Variants in DCAF6 observed in about 807,000 individuals in gnomAD.
DCAF6 encodes DDB1- and CUL4-associated factor 6.
DCAF6 carries 54 observed loss-of-function variants against 125.1 expected under a neutral mutation model. That is an observed-to-expected ratio of 0.43 (90% CI 0.35 to 0.54). The LOEUF is 0.54. Ranked by LOEUF, DCAF6 falls within the 20% of genes least tolerant of loss-of-function variation. The pLI is 0.01. For synonymous variants in DCAF6, 371 were observed against 390.4 expected, an observed-to-expected ratio of 0.95 and a Z score of 0.58; for missense variants, 934 against 1,161.7, an observed-to-expected ratio of 0.80 and a Z score of 2.85.
chr1:167,875,409 T>C, the DCAF6 span, among the ~76,000 whole-genome samples: 1 of 108,684 alleles, frequency 9.2e-6, no homozygotes, highest in African/African-American at 4.3e-5. Context: ...CCATAGCATC[T>C]GGCACATTGT....
chr1:167,965,722 G>T (rs1465641895), intron 2 of DCAF6, among the ~76,000 whole-genome samples: 2 of 152,042 alleles, frequency 1.3e-5, no homozygotes, highest in Non-Finnish European at 2.9e-5. Flanking sequence ...CACCTCTTGG[G>T]TTCAAGCAGT....
chr1:167,925,443 A>ATATATATATC, the DCAF6 span, among the ~76,000 whole-genome samples: 9 of 39,354 alleles, frequency 2.3e-4, no homozygotes, highest in African/African-American at 6.1e-4. Context: ...ACATATACAC[A>ATATATATATC]TATATATATA....
intron 17 of DCAF6, among the ~76,000 whole-genome samples, chr1:168,055,137 G>A (rs1381585754): frequency 6.6e-6 from 1 of 151,970 alleles, no homozygotes; most frequent in Admixed American, 6.6e-5. Context: ...CCTGGGGAAT[G>A]CGTCTTTAAC....
chr1:168,009,331 TTTCCTTCCTTCCTCCCTTCC>T (rs1683849538), intron 10 of DCAF6, among the ~76,000 whole-genome samples: 1 of 147,352 alleles, frequency 6.8e-6, no homozygotes, highest in Non-Finnish European at 1.5e-5. Context: ...TCTCTTCTTC[TTTCCTTCCTTCCTCCCTTCC>T]TTCCTTCCTT....
chr1:167,900,504 A>T, the DCAF6 span, among the ~76,000 whole-genome samples: 12 of 150,590 alleles, frequency 8.0e-5, no homozygotes, highest in African/African-American at 2.4e-4. Context: ...AATAACTTTG[A>T]TTTTTTTTTC....
chr1:168,063,896 A>G, intron 18 of DCAF6, 137 bp downstream of exon 18: 5 of 795,162 alleles, frequency 6.3e-6, no homozygotes, highest in Non-Finnish European at 9.8e-6. Context: ...CTCTTTATCC[A>G]ACATGGTTCT....
At chr1:168,000,129 G>A (rs944446402) in intron 7 of DCAF6, among the ~76,000 whole-genome samples, 1 of 152,130 alleles carries the variant, frequency 6.6e-6, no homozygotes, top group Non-Finnish European at 1.5e-5. Flanking sequence ...AAATTGGAAG[G>A]CTCGAGAGGG....
chr1:168,005,847 A>G lies in DCAF6; in HGVS notation c.1378+1054A>G, dbSNP rs558107295. On this transcript the variant is annotated intron_variant, in intron 10 of 21. Transcript: ENST00000367840. ...TTACATAACTGTTAACACTGTATACATTTTATCCATAATAATAAGCTAAAG... is the reference window on the plus strand; with the variant it reads ...TTACATAACTGTTAACACTGTATACGTTTTATCCATAATAATAAGCTAAAG... 3.3e-5 allele frequency among the ~76,000 whole-genome samples: 5 copies of G among 152,286 alleles called. No individual in the cohort carries two copies. The South Asian group carries it at 1.0e-3, about 32-fold the overall frequency.
intron 16 of DCAF6, among the ~76,000 whole-genome samples, chr1:168,049,646 ATTTTTTTTTTTTTTTT>A (rs756012977): frequency 1.1e-5 from 1 of 90,300 alleles, no homozygotes; most frequent in East Asian, 2.9e-4. Context: ...TCTGCATATA[ATTTTTTTTTTTTTTTT>A]TTTTTTTTTT....
chr1:167,987,980 A>G (rs1680253940), intron 5 of DCAF6, among the ~76,000 whole-genome samples: 1 of 151,734 alleles, frequency 6.6e-6, no homozygotes, highest in Non-Finnish European at 1.5e-5. Context: ...AATAGCAGTT[A>G]TAAAAGCTTG....
intron 21 of DCAF6, among the ~76,000 whole-genome samples, chr1:168,072,450 C>T (rs1326580154): frequency 6.6e-6 from 1 of 151,778 alleles, no homozygotes; most frequent in Non-Finnish European, 1.5e-5. Flanking sequence ...CACTCTTAAG[C>T]TTTAATTTCT....
chr1:167,867,905 T>C, the DCAF6 span, among the ~76,000 whole-genome samples: 1 of 152,164 alleles, frequency 6.6e-6, no homozygotes, highest in Admixed American at 6.5e-5. Context: ...AAAGACCCTG[T>C]TTAGCTCCAA....
chr1:168,004,187 G>C (rs2103082071), intron 9 of DCAF6, among the ~76,000 whole-genome samples, 198 bp downstream of exon 9: 1 of 152,182 alleles, frequency 6.6e-6, no homozygotes, highest in South Asian at 2.1e-4. Context: ...TGGACCTAGT[G>C]CGTATCTTTT....
the DCAF6 span, among the ~76,000 whole-genome samples, chr1:167,883,061 G>A: frequency 0.023 from 3,514 of 152,248 alleles, 100 homozygotes; most frequent in African/African-American, 0.073. Context: ...TAGTTGAGAC[G>A]GAGTCTCACG....
chr1:168,007,962 C>CCT (rs1553232179), intron 10 of DCAF6, among the ~76,000 whole-genome samples: 1 of 67,462 alleles, frequency 1.5e-5, no homozygotes, highest in Admixed American at 2.7e-4. Context: ...TGTTGTACAT[C>CCT]TTTTTTTTTT....
At chr1:167,953,775 C>G (rs376798419) in intron 2 of DCAF6, among the ~76,000 whole-genome samples, 2 of 151,884 alleles carry the variant, frequency 1.3e-5, no homozygotes, top group African/African-American at 4.8e-5. Flanking sequence ...ATTTTTGTGT[C>G]TTTAGTAGAG....
At chr1:168,029,877 G>GT (rs1686831674) in intron 12 of DCAF6, among the ~76,000 whole-genome samples, 1 of 152,104 alleles carries the variant, frequency 6.6e-6, no homozygotes, top group Non-Finnish European at 1.5e-5. Context: ...CTACTTGGGA[G>GT]GCTGAGGTGG....
the DCAF6 span, among the ~76,000 whole-genome samples, chr1:167,869,267 A>C: frequency 2.6e-5 from 4 of 152,206 alleles, no homozygotes; most frequent in African/African-American, 9.7e-5. Flanking sequence ...GTACTTCTTC[A>C]AATGATAAAA....
chr1:167,887,083 T>G, the DCAF6 span, among the ~76,000 whole-genome samples: 1 of 152,092 alleles, frequency 6.6e-6, no homozygotes, highest in Non-Finnish European at 1.5e-5. Context: ...TAGGAACACT[T>G]TTACACTGTT....
Sources: gnomAD v4.1 joint callset for allele counts (sites outside exome capture counted in the v4.1 genomes callset) on GRCh38, gnomAD v4.1.1 for gene constraint, MANE v1.5 for transcripts, NCBI Gene and HGNC (gene_info 2026-07-23, HGNC 2026-07-21) for gene names.